Variants in SUMF1 observed in about 807,000 individuals in gnomAD.
The protein encoded by SUMF1 is sulfatase modifying factor 1, also known as formylglycine-generating enzyme.
SUMF1 carries 48 observed loss-of-function variants against 47.6 expected under a neutral mutation model. The ratio of observed to expected loss-of-function variants is 1.01; its 90% CI spans 0.80 to 1.28. The LOEUF is 1.28. Among genes scored for constraint, SUMF1 ranks in the 50% most tolerant of loss-of-function variants. The pLI is 0.00. For missense variants in SUMF1, 571 were observed against 485.4 expected, an observed-to-expected ratio of 1.18 and a Z score of -1.66; for synonymous variants, 230 against 192.1, an observed-to-expected ratio of 1.20 and a Z score of -1.63.
At chr3:4,134,070 G>C (rs922663259) in intron 8 of SUMF1, among the ~76,000 whole-genome samples, 4 of 152,016 alleles carry the variant, frequency 2.6e-5, no homozygotes, top group Non-Finnish European at 5.9e-5. Context: ...GAGACAGAAA[G>C]TTAACAAGGA....
At chr3:4,454,827 C>T (rs1044986223) in intron 1 of SUMF1, among the ~76,000 whole-genome samples, 2 of 152,124 alleles carry the variant, frequency 1.3e-5, no homozygotes, top group Admixed American at 1.3e-4. Context: ...CACAAAGGGC[C>T]ACATATTGTA....
At chr3:4,130,579 G>A (rs530193348) in intron 8 of SUMF1, among the ~76,000 whole-genome samples, 1 of 152,204 alleles carries the variant, frequency 6.6e-6, no homozygotes, top group East Asian at 1.9e-4. Flanking sequence ...TGTGCCACAG[G>A]ATGAGAAATA....
chr3:4,344,831 G>A (rs1699342260), intron 8 of SUMF1, among the ~76,000 whole-genome samples: 1 of 152,062 alleles, frequency 6.6e-6, no homozygotes, highest in African/African-American at 2.4e-5. Context: ...CTTTAGAGAG[G>A]AACATAAACA....
At chr3:4,445,333 T>C (rs895759723) in intron 3 of SUMF1, among the ~76,000 whole-genome samples, 4 of 152,160 alleles carry the variant, frequency 2.6e-5, no homozygotes, top group Admixed American at 1.3e-4. Flanking sequence ...GGCTTGTTTT[T>C]GTTTTGTTTT....
intron 8 of SUMF1, among the ~76,000 whole-genome samples, chr3:4,257,048 C>G (rs1373818944): frequency 1.7e-5 from 2 of 114,422 alleles, no homozygotes; most frequent in Non-Finnish European, 3.3e-5. Flanking sequence ...AAGCCTTTGA[C>G]AAAATTCAAC....
chr3:4,303,695 T>C (rs1575067455), intron 8 of SUMF1: 2 of 1,501,490 alleles, frequency 1.3e-6, no homozygotes, highest in South Asian at 1.2e-5. Context: ...GGCCTTTTTC[T>C]GTTGACCCAC....
intron 1 of SUMF1, among the ~76,000 whole-genome samples, chr3:4,461,093 G>C (rs2079804213): frequency 6.6e-6 from 1 of 152,120 alleles, no homozygotes; most frequent in Non-Finnish European, 1.5e-5. Context: ...TTTACCAATT[G>C]AATGAGGTCA....
intron 8 of SUMF1, among the ~76,000 whole-genome samples, chr3:4,140,860 C>G (rs533560779): frequency 6.6e-6 from 1 of 151,922 alleles, no homozygotes; most frequent in African/African-American, 2.4e-5. Context: ...GAAAATAAAC[C>G]TCTCAAGGAA....
chr3:4,300,022 C>T (rs1697930319), intron 8 of SUMF1, among the ~76,000 whole-genome samples: 1 of 152,100 alleles, frequency 6.6e-6, no homozygotes, highest in Non-Finnish European at 1.5e-5. Context: ...TCATCCAAGC[C>T]TCATGTTGAA....
At chr3:4,310,374 G>C (rs971269717) in intron 8 of SUMF1, among the ~76,000 whole-genome samples, 2 of 152,154 alleles carry the variant, frequency 1.3e-5, no homozygotes, top group African/African-American at 4.8e-5. Context: ...CTTGAGTGTA[G>C]TCATTTTTTA....
chr3:4,366,015 T>A (rs528009680), intron 8 of SUMF1, among the ~76,000 whole-genome samples: 2 of 151,970 alleles, frequency 1.3e-5, no homozygotes, highest in East Asian at 3.9e-4. Flanking sequence ...GGTTGAAAAT[T>A]CTTTTCTTTA....
At chr3:4,112,760 T>C (rs1559481353) in intron 8 of SUMF1, among the ~76,000 whole-genome samples, 1 of 152,086 alleles carries the variant, frequency 6.6e-6, no homozygotes, top group Admixed American at 6.5e-5. Context: ...AAACTTGAGA[T>C]TTCTTCTTAT....
intron 8 of SUMF1, among the ~76,000 whole-genome samples, chr3:4,329,811 C>A (rs917127078): frequency 6.6e-6 from 1 of 151,716 alleles, no homozygotes; most frequent in African/African-American, 2.4e-5. Flanking sequence ...ATTTTCCAAA[C>A]TTTTATACTC....
At chr3:4,299,044 T>C (rs1422337802) in intron 8 of SUMF1, among the ~76,000 whole-genome samples, 1 of 152,234 alleles carries the variant, frequency 6.6e-6, no homozygotes, top group Non-Finnish European at 1.5e-5. Flanking sequence ...AACCTTCTTA[T>C]GTTTCTTAAT....
chr3:4,148,130 C>T (rs1431475304), intron 8 of SUMF1, among the ~76,000 whole-genome samples: 1 of 152,154 alleles, frequency 6.6e-6, no homozygotes, highest in Admixed American at 6.5e-5. Flanking sequence ...TTTGAACAAA[C>T]ATTTCTTTTA....
At chr3:4,260,436 T>A (rs546856484) in intron 8 of SUMF1, among the ~76,000 whole-genome samples, 151 of 152,348 alleles carry the variant, frequency 9.9e-4, no homozygotes, top group African/African-American at 3.5e-3. Context: ...AATTTTCAAA[T>A]AAACAGAAAT....
chr3:4,171,360 A>G (rs1326857601), intron 8 of SUMF1, among the ~76,000 whole-genome samples: 1 of 152,152 alleles, frequency 6.6e-6, no homozygotes, highest in Non-Finnish European at 1.5e-5. Flanking sequence ...GATAAATCAA[A>G]AAGGAAAGGG....
chr3:4,418,520 C>CA (rs1047810790), intron 4 of SUMF1, among the ~76,000 whole-genome samples: 2 of 152,218 alleles, frequency 1.3e-5, no homozygotes, highest in Non-Finnish European at 2.9e-5. Flanking sequence ...TAACCAACCA[C>CA]AGCAGGGGCA....
At chr3:4,045,205 G>C (rs1261307538) in intron 9 of SUMF1, among the ~76,000 whole-genome samples, 1 of 152,116 alleles carries the variant, frequency 6.6e-6, no homozygotes, top group South Asian at 2.1e-4. Flanking sequence ...TCCATTGAAA[G>C]TCCTTAAGAG....
Sources: allele counts gnomAD v4.1 joint callset (sites outside exome capture counted in the v4.1 genomes callset), GRCh38; gene constraint gnomAD v4.1.1; transcripts MANE v1.5; gene names NCBI Gene and HGNC (gene_info 2026-07-23, HGNC 2026-07-21).